Variants in ARL13B observed in about 807,000 individuals in gnomAD.
ARL13B encodes ADP-ribosylation factor-like protein 13B.
In ARL13B, 36 loss-of-function variants were observed where a neutral mutation model predicts 56.1. The ratio of observed to expected loss-of-function variants is 0.64; its 90% CI spans 0.49 to 0.85. ARL13B has a LOEUF of 0.85. Ranked by LOEUF, ARL13B falls within the 40% of genes least tolerant of loss-of-function variation. The probability of loss-of-function intolerance (pLI) is 0.00; values close to 1 mark genes in which losing one functional copy is unlikely to be tolerated. For synonymous variants in ARL13B, 178 were observed against 171.1 expected, an observed-to-expected ratio of 1.04 and a Z score of -0.32; for missense variants, 519 against 507.1, an observed-to-expected ratio of 1.02 and a Z score of -0.23.
intron 3 of ARL13B, among the ~76,000 whole-genome samples, chr3:94,030,003 A>T (rs1382224377): frequency 6.6e-6 from 1 of 152,176 alleles, no homozygotes; most frequent in African/African-American, 2.4e-5. Context: ...TAAACCAGTC[A>T]ATAGCATTGA....
chr3:94,050,884 A>C lies in ARL13B; in HGVS notation c.1202A>C (p.His401Pro). Residue 401 changes from histidine to proline, a missense_variant, in exon 9 of 10, where the codon CAT becomes CCT. His to Pro is a moderately conservative substitution (Grantham distance 77, BLOSUM62 -2). Coordinates refer to ENST00000394222, the MANE Select transcript of ARL13B (RefSeq NM_001174150.2). ...AAACTTGAGCCTCTTGGTGAAACACATCATAATGGTAATGCAAAAGGATTG... is the reference window on the plus strand; with the variant it reads ...AAACTTGAGCCTCTTGGTGAAACACCTCATAATGGTAATGCAAAAGGATTG... ...LPKLEPLGETHHNDFYRKPLP... is the reference protein window; with the variant it reads ...LPKLEPLGETPHNDFYRKPLP... The C allele has an allele frequency of 6.2e-7, 1 of 1,613,066 alleles. No homozygotes were observed. The highest frequency in any genetic ancestry group is 8.5e-7 in the Non-Finnish European group (1 of 1,179,638).
In ARL13B at chr3:94,049,476, T is replaced by C. The variant is rs750533848; in HGVS notation, c.1095T>C (p.Asp365=). Residue 365 remains aspartate (D), a synonymous_variant, in exon 8 of 10, where the codon GAT becomes GAC. Transcript: ENST00000394222. The part of the protein sequence containing the change: ...RNHRVEPLNI[D]DCAPESPTPP... ...ACCGGGTAGAACCACTTAATATAGA[T>C]GACTGTGCTCCTGAGAGTCCAACGC... is the stretch of plus-strand genomic sequence containing the variant. The C allele has an allele frequency of 3.1e-6, 5 of 1,612,024 alleles. No homozygotes were observed. In the Admixed American group the frequency reaches 8.4e-5, roughly 27 times the overall value.
At chr3:93,991,667 G>T (rs575751672) in intron 1 of ARL13B, among the ~76,000 whole-genome samples, 8 of 152,146 alleles carry the variant, frequency 5.3e-5, no homozygotes, top group Non-Finnish European at 1.2e-4. Context: ...CACCATGTCC[G>T]TCCAATTTAT....
intron 1 of ARL13B, among the ~76,000 whole-genome samples, chr3:93,991,637 C>T (rs1046763436): frequency 1.3e-5 from 2 of 152,232 alleles, no homozygotes; most frequent in African/African-American, 4.8e-5. Flanking sequence ...CCGCAGAGTG[C>T]TGGGACTACA....
chr3:94,001,129 G>A (rs1474424970), intron 2 of ARL13B, among the ~76,000 whole-genome samples: 1 of 152,136 alleles, frequency 6.6e-6, no homozygotes, highest in Non-Finnish European at 1.5e-5. Flanking sequence ...AGAGGTAAAG[G>A]TGATAGTAGA....
chr3:93,985,300 C>T (rs1453383384), intron 1 of ARL13B, among the ~76,000 whole-genome samples: 1 of 152,196 alleles, frequency 6.6e-6, no homozygotes, highest in African/African-American at 2.4e-5. Context: ...AACCCTTACA[C>T]ATTCTCATCT....
chr3:93,984,801 G>A (rs1308154075), intron 1 of ARL13B, among the ~76,000 whole-genome samples: 2 of 152,130 alleles, frequency 1.3e-5, no homozygotes, highest in African/African-American at 4.8e-5. Flanking sequence ...GAGCCTAGGA[G>A]TTTGAGATCA....
Position 94,008,153 on chromosome 3 carries a change from A to G in ARL13B, c.380+4245A>G, listed in dbSNP as rs934282535. On this transcript the variant is annotated intron_variant, in intron 3 of 9. Transcript: ENST00000394222. ...AAAATGATTTGCATTCCTTTTAAAG[A>G]GAGTAAAAATAAATGCCATGCAAAC... Among the ~76,000 whole-genome samples the G allele has an allele frequency of 2.0e-5, 3 of 152,342 alleles. No individual in the cohort carries two copies. In the South Asian group the frequency reaches 6.2e-4, roughly 32 times the overall value.
At chr3:94,014,814 A>G (rs773685846) in intron 3 of ARL13B, 6 of 1,613,956 alleles carry the variant, frequency 3.7e-6, no homozygotes, top group Admixed American at 3.3e-5. Context: ...CTATTGTGTC[A>G]TTGTATATAA....
chr3:94,028,848 T>C (rs1215523278), intron 3 of ARL13B, among the ~76,000 whole-genome samples: 3 of 152,160 alleles, frequency 2.0e-5, no homozygotes, highest in East Asian at 1.9e-4. Context: ...ACTAAAAATA[T>C]GGAATTAAAT....
At position 94,035,415 on chromosome 3, in the gene ARL13B, G is replaced by T; in HGVS notation, c.465G>T (p.Glu155Asp). Residue 155 changes from glutamate to aspartate, a missense_variant, in exon 4 of 10, where the codon GAG (glutamate) becomes GAT (aspartate). Transcript: ENST00000394222. ...TATCTCTGGAAAAATTGGTCAATGA[G>T]CACAAGTGCCTGTGTCAGATAGTAA... ...ECLSLEKLVN[E>D]HKCLCQIEPC... The T allele has an allele frequency of 6.3e-7, 1 of 1,598,270 alleles. No individual in the cohort carries two copies. Among genetic ancestry groups the T allele is most frequent in the Non-Finnish European group, 8.5e-7 (1 of 1,172,676 alleles).
intron 3 of ARL13B, among the ~76,000 whole-genome samples, chr3:94,024,104 T>G (rs1410908766): frequency 3.9e-5 from 6 of 152,208 alleles, no homozygotes; most frequent in Non-Finnish European, 1.5e-5. Flanking sequence ...TTGTACTAGC[T>G]TGTCACTATG....
In ARL13B at chr3:94,054,994, C is replaced by T. The variant is rs1364431021; in HGVS notation, c.*1731C>T. On this transcript the variant is annotated 3_prime_UTR_variant, in exon 10 of 10. Transcript: ENST00000394222. ...AATATTTATCTCGTTTGGGAGTATACGTGTTTTTAAAATTTGTGTTTTCTA... is the reference window on the plus strand; with the variant it reads ...AATATTTATCTCGTTTGGGAGTATATGTGTTTTTAAAATTTGTGTTTTCTA... The T allele has an allele frequency of 3.2e-5, 10 of 312,706 alleles. No individual in the cohort carries two copies. The highest frequency in any genetic ancestry group is 8.9e-5 in the East Asian group (1 of 11,226). 19.4% of individuals were successfully genotyped at this position (312,706 alleles called of 1,614,324 possible). A position where few individuals can be genotyped will look rare whatever the true frequency, so the allele number is the denominator to read the frequency against.
chr3:94,036,705 C>G lies in ARL13B; in HGVS notation c.640C>G (p.Gln214Glu), dbSNP rs1437035616. ...AACAGAGCAGCGTGCTCTTGAGGAA[C>G]AAGAGAAACAAGAAAGAGCTGAACG... ...ETTEQRALEE[Q>E]EKQERAERVR... is the part of the protein sequence containing the mutation. Residue 214 changes from glutamine (Q) to glutamate (E), a missense_variant, in exon 5 of 10, where the codon CAA becomes GAA. Gln to Glu is a conservative substitution (Grantham distance 29). Transcript: ENST00000394222. 6.2e-7 allele frequency: 1 copy of G among 1,613,518 alleles called. No individual in the cohort carries two copies. Among genetic ancestry groups the G allele is most frequent in the African/African-American group, 1.3e-5 (1 of 74,834 alleles).
chr3:94,015,731 C>G (rs1336585993), intron 3 of ARL13B, among the ~76,000 whole-genome samples: 2 of 152,252 alleles, frequency 1.3e-5, no homozygotes, highest in East Asian at 3.9e-4. Flanking sequence ...ATGCATCATT[C>G]AGTTAAAACC....
chr3:94,008,093 T>C (rs2076164436), intron 3 of ARL13B, among the ~76,000 whole-genome samples: 1 of 152,136 alleles, frequency 6.6e-6, no homozygotes, highest in Admixed American at 6.6e-5. Context: ...CTATGTAGAG[T>C]GGCATGAACC....
At chr3:93,984,832 C>T (rs1412189880) in intron 1 of ARL13B, among the ~76,000 whole-genome samples, 4 of 151,982 alleles carry the variant, frequency 2.6e-5, no homozygotes, top group Non-Finnish European at 5.9e-5. Flanking sequence ...TATAGTGAGA[C>T]CCCATCCGTA....
Position 94,055,510 on chromosome 3 carries a change from G to A in ARL13B, c.*2247G>A, listed in dbSNP as rs1253944584. The stretch of plus-strand genomic sequence containing the variant: ...TACAAATAGCATTTCACCATATGAT[G>A]TTAGAGGATTTGATGTCTGTCTTGC... On this transcript the variant is annotated 3_prime_UTR_variant, in exon 10 of 10. Coordinates refer to ENST00000394222, the MANE Select transcript of ARL13B (RefSeq NM_001174150.2). 2.2e-6 allele frequency: 1 copy of A among 453,948 alleles called. No homozygotes were observed. The highest frequency in any genetic ancestry group is 1.6e-5 in the South Asian group (1 of 64,472). 28.1% of individuals were successfully genotyped at this position (453,948 alleles called of 1,614,324 possible).
chr3:93,997,884 G>A (rs2075993209), intron 2 of ARL13B, among the ~76,000 whole-genome samples: 1 of 152,136 alleles, frequency 6.6e-6, no homozygotes, highest in Non-Finnish European at 1.5e-5. Context: ...CTACTCAGGA[G>A]GCTGAGGCAG....
Sources: allele counts gnomAD v4.1 joint callset (sites outside exome capture counted in the v4.1 genomes callset), GRCh38; gene constraint gnomAD v4.1.1; transcripts MANE v1.5; gene names NCBI Gene and HGNC (gene_info 2026-07-23, HGNC 2026-07-21).